The following SCARB1 variants were observed in gnomAD, a reference collection of about 807,000 sequenced individuals.
The protein encoded by SCARB1 is scavenger receptor class B member 1.
In SCARB1, 30 loss-of-function variants were observed where a neutral mutation model predicts 57.2. That is an observed-to-expected ratio of 0.52 (90% confidence interval 0.39 to 0.71). The LOEUF is 0.71. SCARB1 is among the 30% of genes least tolerant of loss of function. The pLI, the probability that SCARB1 is intolerant of heterozygous loss-of-function variation, is 0.00. For missense variants in SCARB1, 543 were observed against 671.2 expected, an observed-to-expected ratio of 0.81 and a Z score of 2.11; for synonymous variants, 249 against 268.3, an observed-to-expected ratio of 0.93 and a Z score of 0.70.
rs751100225 is a variant in SCARB1, at chr12:124,795,199, T to C, written c.1198A>G (p.Ile400Val). The C allele has an allele frequency of 4.4e-5, 71 of 1,613,260 alleles. No individual in the cohort carries two copies. Among genetic ancestry groups the C allele is most frequent in the Non-Finnish European group, 5.9e-5 (70 of 1,179,392 alleles). The change falls in exon 9 of 13, where the codon ATT (isoleucine) becomes GTT (valine). Residue 400 changes from isoleucine to valine, a missense_variant. Physicochemically the swap from Ile to Val is conservative, Grantham distance 29. Transcript: ENST00000261693. ...LSLYMKSVAG[I>V]GQTGKIEPVV... is the part of the protein sequence containing the mutation. ...CAGCTCCCAGTCCCCACTCACCCAA[T>C]GCCTGCGACAGATTTCATGTAGAGG...
At chr12:124,854,548 C>T (rs1012170734) in intron 1 of SCARB1, among the ~76,000 whole-genome samples, 1 of 152,082 alleles carries the variant, frequency 6.6e-6, no homozygotes, top group African/African-American at 2.4e-5. Context: ...AGTGAGGAGG[C>T]GGATGCAGGA....
chr12:124,838,442 T>C (rs1159334931), intron 1 of SCARB1, among the ~76,000 whole-genome samples: 1 of 152,150 alleles, frequency 6.6e-6, no homozygotes, highest in Non-Finnish European at 1.5e-5. Context: ...AGGGAACTAT[T>C]GTTACAGGAG....
intron 1 of SCARB1, among the ~76,000 whole-genome samples, chr12:124,837,180 T>C (rs1951681542): frequency 6.6e-6 from 1 of 152,146 alleles, no homozygotes. Flanking sequence ...ACAAAAACAA[T>C]TTCTACCAGG....
At chr12:124,854,456 G>C (rs144781833) in intron 1 of SCARB1, among the ~76,000 whole-genome samples, 403 of 152,302 alleles carry the variant, frequency 2.6e-3, no homozygotes, top group Non-Finnish European at 4.4e-3. Flanking sequence ...AGGGGAGGAG[G>C]TGCTAAGTGC....
chr12:124,816,164 C>T (rs80194043), intron 2 of SCARB1, among the ~76,000 whole-genome samples: 6,325 of 152,286 alleles, frequency 0.042, 176 homozygotes, highest in Middle Eastern at 0.095. Flanking sequence ...GCCCCAAGGC[C>T]ACCCTCCCTC....
intron 1 of SCARB1, among the ~76,000 whole-genome samples, chr12:124,832,248 T>C (rs1362496310): frequency 6.6e-6 from 1 of 152,228 alleles, no homozygotes; most frequent in Non-Finnish European, 1.5e-5. Context: ...CCGGGCGCGG[T>C]GGCTCACACC....
In SCARB1 at chr12:124,812,625, TTCC is replaced by T. The variant is rs1048124590; in HGVS notation, c.631-663_631-661del. ...CCAGGCTTTGGTGCTCCGAGAGCAT[TTCC>T]CAGAAGCTGGTTTCTAATCCCAAAG... On this transcript the variant is annotated intron_variant, in intron 4 of 12. Transcript: ENST00000261693. The surrounding 1 kb of genome is among the most constrained non-coding windows in gnomAD (Gnocchi z 4.3). Among the ~76,000 whole-genome samples, 1 of 152,216 alleles carries T rather than the reference TTCC, an allele frequency of 6.6e-6. No homozygotes were observed. The highest frequency in any genetic ancestry group is 2.4e-5 in the African/African-American group (1 of 41,458).
chr12:124,792,948 T>A (rs1353779376), intron 9 of SCARB1, among the ~76,000 whole-genome samples: 1 of 152,034 alleles, frequency 6.6e-6, no homozygotes, highest in African/African-American at 2.4e-5. Context: ...TGGCCCCAGT[T>A]GCATCCCAGT....
chr12:124,831,132 C>A (rs1434346141), intron 1 of SCARB1, among the ~76,000 whole-genome samples: 1 of 152,202 alleles, frequency 6.6e-6, no homozygotes, highest in African/African-American at 2.4e-5. Flanking sequence ...CCCGCCACCA[C>A]ACCTGGCTAA....
At chr12:124,846,688 G>A (rs977507168) in intron 1 of SCARB1, among the ~76,000 whole-genome samples, 12 of 124,694 alleles carry the variant, frequency 9.6e-5, no homozygotes, top group Admixed American at 6.7e-4. Flanking sequence ...CTGAGATCGC[G>A]CCACTGCACT....
chr12:124,853,823 C>T (rs1338937263), intron 1 of SCARB1, among the ~76,000 whole-genome samples: 7 of 152,208 alleles, frequency 4.6e-5, no homozygotes, highest in Non-Finnish European at 5.9e-5. Context: ...GGTGGCAGCT[C>T]GGTCTGGGGC....
At chr12:124,783,034 A>T in intron 11 of SCARB1, 1 of 534,152 alleles carries the variant, frequency 1.9e-6, no homozygotes, top group South Asian at 2.1e-5. Context: ...TGGACAAGCC[A>T]AGCTGAAAAG....
At chr12:124,826,480 T>C (rs1438397098) in intron 1 of SCARB1, among the ~76,000 whole-genome samples, 3 of 152,198 alleles carry the variant, frequency 2.0e-5, no homozygotes, top group African/African-American at 7.2e-5. Context: ...TTATTTATTT[T>C]GAAACAGAGT....
intron 1 of SCARB1, among the ~76,000 whole-genome samples, chr12:124,853,623 G>A (rs1213305308): frequency 6.6e-6 from 1 of 152,096 alleles, no homozygotes; most frequent in African/African-American, 2.4e-5. Flanking sequence ...TTGAACTCCT[G>A]ACCTCAGGTG....
At position 124,817,192 on chromosome 12, in the gene SCARB1, A is replaced by G. The variant is rs1025616304; in HGVS notation, c.284+358T>C. Among the ~76,000 whole-genome samples, 1 of 151,366 alleles carries G rather than the reference A, an allele frequency of 6.6e-6. No homozygotes were observed. The highest frequency in any genetic ancestry group is 1.5e-5 in the Non-Finnish European group (1 of 67,822). On this transcript the variant is annotated intron_variant, in intron 2 of 12. Coordinates refer to ENST00000261693, the MANE Select transcript of SCARB1 (RefSeq NM_005505.5). The surrounding 1 kb of genome is among the most constrained non-coding windows in gnomAD (Gnocchi z 4.8). ...TAACTCACACATGCACCCTCCACCC[A>G]GACGCACACCATTGGTCCCTCCCTG...
intron 7 of SCARB1, among the ~76,000 whole-genome samples, chr12:124,806,295 G>C (rs1950321514): frequency 6.6e-6 from 1 of 152,126 alleles, no homozygotes; most frequent in South Asian, 2.1e-4. Context: ...GGAAGAGCTG[G>C]GTGAGGACAG....
At chr12:124,802,799 A>C (rs1950180237) in intron 7 of SCARB1, among the ~76,000 whole-genome samples, 1 of 152,234 alleles carries the variant, frequency 6.6e-6, no homozygotes, top group Non-Finnish European at 1.5e-5. Context: ...GCCCTCACGC[A>C]ACAGGGAGGT....
intron 1 of SCARB1, among the ~76,000 whole-genome samples, chr12:124,852,379 T>C (rs1952447187): frequency 6.6e-6 from 1 of 152,200 alleles, no homozygotes; most frequent in Non-Finnish European, 1.5e-5. Flanking sequence ...CTTTGGGGTG[T>C]TCCCCAGGGC....
In SCARB1 at chr12:124,817,642, A is replaced by T. The variant is rs747182113; in HGVS notation, c.192T>A (p.Tyr64Ter). ...TGACGTCAAAGAAGTAGACGGAGAG[A>T]TAGAAGGGGATAGGGATCTCCTTCC... is the stretch of plus-strand genomic sequence containing the variant. Reference protein sequence around the residue: ...NMWKEIPIPFYLSVYFFDVMN... With the variant: ...NMWKEIPIPF The change falls in exon 2 of 13, where the codon TAT (tyrosine) becomes TAA (stop). Residue 64 changes from tyrosine (Y) to a stop codon, truncating the protein, a stop_gained. Transcript: ENST00000261693. LOFTEE classifies it high-confidence loss of function. The surrounding 1 kb of genome is among the most constrained non-coding windows in gnomAD (Gnocchi z 4.8). 6.2e-7 allele frequency: 1 copy of T among 1,614,052 alleles called. No individual in the cohort carries two copies. Among genetic ancestry groups the T allele is most frequent in the Non-Finnish European group, 8.5e-7 (1 of 1,180,014 alleles).
Sources: gnomAD v4.1 joint callset for allele counts (sites outside exome capture counted in the v4.1 genomes callset) on GRCh38, gnomAD v4.1.1 for gene constraint, Gnocchi (gnomAD v3.1) non-coding constraint, MANE v1.5 for transcripts, NCBI Gene and HGNC (gene_info 2026-07-23, HGNC 2026-07-21) for gene names.